The following TARS3 variants were observed in gnomAD, a reference collection of about 807,000 sequenced individuals.
TARS3 encodes threonine--tRNA ligase 2, cytoplasmic.
TARS3 carries 94 observed loss-of-function variants against 103.5 expected under a neutral mutation model. The ratio of observed to expected loss-of-function variants is 0.91; its 90% CI spans 0.77 to 1.08. The LOEUF (loss-of-function observed/expected upper bound fraction) is 1.08. TARS3 is among the 50% of genes least tolerant of loss of function. The pLI is 0.00. For missense variants in TARS3, 952 were observed against 995.2 expected (o/e 0.96, Z 0.58); for synonymous variants, 416 against 355.4 (o/e 1.17, Z -1.92).
chr15:101,689,284 G>C (rs1898606127), intron 10 of TARS3, among the ~76,000 whole-genome samples: 1 of 152,104 alleles, frequency 6.6e-6, no homozygotes, highest in Admixed American at 6.5e-5. Context: ...ACCATCAGTG[G>C]GAGCCCTGAA....
chr15:101,718,868 A>C (rs1195572826), intron 3 of TARS3, among the ~76,000 whole-genome samples: 1 of 152,202 alleles, frequency 6.6e-6, no homozygotes, highest in Non-Finnish European at 1.5e-5. Context: ...TGCCAAACAA[A>C]TCATAAGCTC....
At chr15:101,714,251 T>C (rs971145493) in intron 4 of TARS3, among the ~76,000 whole-genome samples, 14 of 152,284 alleles carry the variant, frequency 9.2e-5, no homozygotes, top group Admixed American at 3.3e-4. Flanking sequence ...TAACAATTCA[T>C]TTCAAACACA....
At chr15:101,707,385 C>G (rs778994470) in intron 6 of TARS3, among the ~76,000 whole-genome samples, 2 of 152,186 alleles carry the variant, frequency 1.3e-5, no homozygotes, top group South Asian at 2.1e-4. Flanking sequence ...CTTTACACAC[C>G]CATGTTCACA....
rs1259513211 is a variant in TARS3 at position 101,655,930 on chromosome 15, TA to T, written c.2260+991del. ...CAGCCAGAACTTTCTGGAATGTGGG[TA>T]AAAAGTTTGTTCTCTCTAGTGACCC... On this transcript the variant is annotated intron_variant, in intron 18 of 18. Transcript: ENST00000335968. The T allele has an allele frequency of 1.6e-5, 21 of 1,289,072 alleles. 1 individual carries two copies. The East Asian group carries it at 1.1e-3, about 65-fold the overall frequency. 79.9% of individuals were successfully genotyped at this position (1,289,072 alleles called of 1,614,324 possible). A position where few individuals can be genotyped will look rare whatever the true frequency, so the allele number is the denominator to read the frequency against.
rs184369121 is a variant in TARS3 at position 101,663,245 on chromosome 15, A to T, written c.1968-1429T>A. Among the ~76,000 whole-genome samples, 899 of 152,330 alleles carry T rather than the reference A, an allele frequency of 5.9e-3. 8 individuals carry two copies. Among genetic ancestry groups the T allele is most frequent in the African/African-American group, 0.02 (831 of 41,574 alleles). ...TCTAGGGTACATGTGCACAATGTGC[A>T]GGTTTGTTACATATGTATACATGAG... On this transcript the variant is annotated intron_variant, in intron 15 of 18. Transcript: ENST00000335968.
intron 10 of TARS3, among the ~76,000 whole-genome samples, chr15:101,693,912 T>C (rs1391544573): frequency 6.6e-6 from 1 of 152,070 alleles, no homozygotes; most frequent in African/African-American, 2.4e-5. Context: ...AAGGGTAGCA[T>C]GAGGGAGTTT....
At chr15:101,722,899 C>T (rs931653602) in intron 2 of TARS3, among the ~76,000 whole-genome samples, 194 bp downstream of exon 2, 1 of 151,918 alleles carries the variant, frequency 6.6e-6, no homozygotes, top group African/African-American at 2.4e-5. Flanking sequence ...ATTAAATACA[C>T]GTGTTTATTA....
In TARS3 at chr15:101,659,196, G is replaced by A. The variant is rs1226583979; in HGVS notation, c.2073-1339C>T. Among the ~76,000 whole-genome samples, 3 of 152,174 alleles carry A rather than the reference G, an allele frequency of 2.0e-5. No homozygotes were observed. In the East Asian group the frequency reaches 5.8e-4, roughly 29 times the overall value. On this transcript the variant is annotated intron_variant, in intron 16 of 18. Transcript: ENST00000335968. The stretch of plus-strand genomic sequence containing the variant: ...GTAGGTATAAACAGTGTCCGCTGTG[G>A]GACATGTTTGCCCTTTCCCTGTCAT...
At chr15:101,706,489 A>G (rs1899569716) in intron 6 of TARS3, among the ~76,000 whole-genome samples, 1 of 152,148 alleles carries the variant, frequency 6.6e-6, no homozygotes, top group Non-Finnish European at 1.5e-5. Flanking sequence ...TGTAGCTGCC[A>G]TAAAATTATA....
chr15:101,711,747 G>A, intron 5 of TARS3, 133 bp downstream of exon 5: 1 of 1,034,512 alleles, frequency 9.7e-7, no homozygotes, highest in Non-Finnish European at 1.4e-6. Context: ...ATTTTCAACT[G>A]CATGGGCGTC....
chr15:101,712,197 G>C (rs1166942014), intron 4 of TARS3, among the ~76,000 whole-genome samples, 196 bp from the exon 5 acceptor site: 1 of 152,164 alleles, frequency 6.6e-6, no homozygotes, highest in African/African-American at 2.4e-5. Context: ...ACATTCCACC[G>C]GAGTCACTTG....
chr15:101,673,608 A>G (rs1485700328), intron 13 of TARS3, among the ~76,000 whole-genome samples: 1 of 152,198 alleles, frequency 6.6e-6, no homozygotes, highest in Non-Finnish European at 1.5e-5. Context: ...TAAAGTCTGG[A>G]GCAAATGGCT....
At chr15:101,668,772 G>T (rs993866596) in intron 15 of TARS3, among the ~76,000 whole-genome samples, 139 of 152,276 alleles carry the variant, frequency 9.1e-4, no homozygotes, top group African/African-American at 3.2e-3. Flanking sequence ...GGTCCAGTAA[G>T]ATTATAATGG....
At position 101,677,264 on chromosome 15, in the gene TARS3, G is replaced by A. The variant is rs187400418; in HGVS notation, c.1651-1527C>T. On this transcript the variant is annotated intron_variant, in intron 12 of 18. Coordinates refer to ENST00000335968, the MANE Select transcript of TARS3 (RefSeq NM_152334.3). ...GTAAACAACTTCCACCCTCACCAAT[G>A]TGGGTGGGCCTCATCCAATCTGTTG... Among the ~76,000 whole-genome samples the A allele has an allele frequency of 4.6e-5, 7 of 152,320 alleles. No individual in the cohort carries two copies. In the East Asian group the frequency reaches 1.3e-3, roughly 29 times the overall value.
intron 15 of TARS3, among the ~76,000 whole-genome samples, chr15:101,671,257 G>C (rs991579531): frequency 1.3e-5 from 2 of 152,050 alleles, no homozygotes; most frequent in African/African-American, 2.4e-5. Context: ...ATATTTTCAT[G>C]GAACTTTGTT....
chr15:101,654,379 C>T lies in TARS3; in HGVS notation c.*203G>A, dbSNP rs376458669. 2.6e-4 allele frequency: 121 copies of T among 471,186 alleles called. 2 individuals are homozygous for T. In the South Asian group the frequency reaches 5.3e-3, roughly 21 times the overall value. 29.2% of individuals were successfully genotyped at this position (471,186 alleles called of 1,614,324 possible). A position where few individuals can be genotyped will look rare whatever the true frequency, so the allele number is the denominator to read the frequency against. ...GCATTGATTGCTGGAAAATTTCCCA[C>T]GTGCCCTCTAAACGTCCCCCGTGGA... On this transcript the variant is annotated 3_prime_UTR_variant, in exon 19 of 19. Coordinates refer to ENST00000335968, the MANE Select transcript of TARS3 (RefSeq NM_152334.3).
intron 1 of TARS3, 150 bp downstream of exon 1, chr15:101,723,941 A>AGCAGG: frequency 1.5e-6 from 1 of 676,564 alleles, no homozygotes. Flanking sequence ...GGGACCACCG[A>AGCAGG]GCAGGGCAGG....
At position 101,654,734 on chromosome 15, in the gene TARS3, CAGAAA is replaced by C; in HGVS notation, c.2261-9_2261-5del. On this transcript the variant is annotated splice_polypyrimidine_tract_variant and splice_region_variant and intron_variant, in intron 18 of 18. Transcript: ENST00000335968. ...ATCTTTTCCTTTTCTCCAACCACTG[CAGAAA>C]AGAAAGGTAAAGAAATGTATTTTAA... 1 of 1,612,706 alleles carries C rather than the reference CAGAAA, an allele frequency of 6.2e-7. No individual in the cohort carries two copies.
chr15:101,656,145 T>C (rs1257532541), intron 18 of TARS3: 2 of 988,876 alleles, frequency 2.0e-6, no homozygotes, highest in East Asian at 6.0e-5. Flanking sequence ...TTCTAGTGGT[T>C]TGGCTATTTA....
Sources: allele counts gnomAD v4.1 joint callset (sites outside exome capture counted in the v4.1 genomes callset), GRCh38; gene constraint gnomAD v4.1.1; transcripts MANE v1.5; gene names NCBI Gene and HGNC (gene_info 2026-07-23, HGNC 2026-07-21).